The following SP3 variants were observed in gnomAD, a reference collection of about 807,000 sequenced individuals.
SP3 encodes the protein Sp3 transcription factor.
In SP3, 10 loss-of-function variants were observed where a neutral mutation model predicts 70.3. That is an observed-to-expected ratio of 0.14 (90% confidence interval 0.09 to 0.24). SP3 has a LOEUF of 0.24. SP3 is among the 10% of genes least tolerant of loss of function. The pLI is 1.00. For synonymous variants in SP3, 402 were observed against 333.5 expected (o/e 1.21, Z -2.24); for missense variants, 825 against 914.6 (o/e 0.90, Z 1.26).
At position 173,901,775 on chromosome 2, in the gene SP3, C is replaced by T. The variant is rs1229984208; in HGVS notation, c.*8166G>A. Among the ~76,000 whole-genome samples, 3 of 144,864 alleles carry T rather than the reference C, an allele frequency of 2.1e-5. No individual in the cohort carries two copies. The highest frequency in any genetic ancestry group is 4.5e-5 in the Non-Finnish European group (3 of 66,944). On this transcript the variant is annotated 3_prime_UTR_variant, in exon 7 of 7. Transcript: ENST00000310015. ...GGAGTGCAGTGGTGCAATCTCGGCT[C>T]ACTGCAACCTATGCCTCCTGCGTTC...
chr2:173,965,146 C>G lies in SP3; in HGVS notation c.7+19G>C, dbSNP rs1424016865. Reference sequence around the variant, plus strand: ...GCGGCGGCGGCAGCAGCAAGGGTTGCTCTCTCGGCTTTACGTACCGGTCAT... The same window carrying G: ...GCGGCGGCGGCAGCAGCAAGGGTTGGTCTCTCGGCTTTACGTACCGGTCAT... On this transcript the variant is annotated intron_variant, in intron 1 of 6. Transcript: ENST00000310015. The G allele has an allele frequency of 3.9e-6, 6 of 1,546,878 alleles. No homozygotes were observed. The highest frequency in any genetic ancestry group is 2.2e-4 in the Middle Eastern group (1 of 4,620).
intron 4 of SP3, among the ~76,000 whole-genome samples, chr2:173,941,231 C>T (rs548651411): frequency 1.3e-5 from 2 of 151,964 alleles, no homozygotes; most frequent in East Asian, 3.9e-4. Flanking sequence ...TTAATGAAAC[C>T]ACTTGTTAAA....
chr2:173,901,850 C>T lies in SP3; in HGVS notation c.*8091G>A, dbSNP rs1273007391. Among the ~76,000 whole-genome samples, 2 of 151,976 alleles carry T rather than the reference C, an allele frequency of 1.3e-5. No individual in the cohort carries two copies. Among genetic ancestry groups the T allele is most frequent in the African/African-American group, 2.4e-5 (1 of 41,360 alleles). ...CCGAGTAGCTGGGATTGCAGGCATG[C>T]GCCACCACCCCCAGCTAATTTTGTA... On this transcript the variant is annotated 3_prime_UTR_variant, in exon 7 of 7. Transcript: ENST00000310015.
rs1384125420 is a variant in SP3 at position 173,903,811 on chromosome 2, A to G, written c.*6130T>C. Among the ~76,000 whole-genome samples, 1 of 152,204 alleles carries G rather than the reference A, an allele frequency of 6.6e-6. No homozygotes were observed. Among genetic ancestry groups the G allele is most frequent in the Non-Finnish European group, 1.5e-5 (1 of 68,028 alleles). The stretch of plus-strand genomic sequence containing the variant: ...TCAGTTTTCTTGGACACATTCTACC[A>G]GTCTTTCAAGGCCCACCCTTTCTGA... On this transcript the variant is annotated 3_prime_UTR_variant, in exon 7 of 7. Coordinates refer to ENST00000310015, the MANE Select transcript of SP3 (RefSeq NM_003111.5).
At chr2:173,952,691 T>C (rs1363370754) in intron 4 of SP3, among the ~76,000 whole-genome samples, 1 of 152,140 alleles carries the variant, frequency 6.6e-6, no homozygotes, top group Non-Finnish European at 1.5e-5. Context: ...ATGTGGTATA[T>C]CCATACAGTG....
chr2:173,940,465 G>A (rs1050640103), intron 4 of SP3, among the ~76,000 whole-genome samples: 2 of 152,186 alleles, frequency 1.3e-5, no homozygotes, highest in African/African-American at 4.8e-5. Context: ...CTTACTTTTT[G>A]CACTGTGGCC....
At chr2:173,926,778 T>C (rs970640402) in intron 4 of SP3, among the ~76,000 whole-genome samples, 7 of 152,162 alleles carry the variant, frequency 4.6e-5, no homozygotes, top group Non-Finnish European at 8.8e-5. Context: ...AAAACTTAAA[T>C]TGAATGGCTT....
At chr2:173,949,289 A>T (rs974593195) in intron 4 of SP3, among the ~76,000 whole-genome samples, 1 of 152,166 alleles carries the variant, frequency 6.6e-6, no homozygotes, top group Non-Finnish European at 1.5e-5. Flanking sequence ...CACAAATAAA[A>T]ATGTTTCAGA....
chr2:173,915,280 C>A (rs531006605), intron 5 of SP3: 2 of 152,108 alleles, frequency 1.3e-5, no homozygotes, highest in East Asian at 3.9e-4. Context: ...GGAAAAAGCT[C>A]AACATCCAGG....
At chr2:173,942,652 T>C (rs1690406994) in intron 4 of SP3, among the ~76,000 whole-genome samples, 1 of 152,190 alleles carries the variant, frequency 6.6e-6, no homozygotes, top group South Asian at 2.1e-4. Flanking sequence ...GATTCTGATA[T>C]TCCACTGTTT....
intron 5 of SP3, chr2:173,914,441 T>C (rs1341884996): frequency 6.6e-6 from 1 of 152,192 alleles, no homozygotes; most frequent in Non-Finnish European, 1.5e-5. Context: ...CCCACATTTA[T>C]ATTTTAATGT....
chr2:173,936,721 T>G (rs1296301905), intron 4 of SP3, among the ~76,000 whole-genome samples: 1 of 152,236 alleles, frequency 6.6e-6, no homozygotes, highest in African/African-American at 2.4e-5. Flanking sequence ...CTAATAAGCA[T>G]TTTTATAACA....
chr2:173,907,985 C>T lies in SP3; in HGVS notation c.*1956G>A, dbSNP rs922357105. 2.0e-5 allele frequency: 3 copies of T among 152,064 alleles called. No homozygotes were observed. The highest frequency in any genetic ancestry group is 2.9e-5 in the Non-Finnish European group (2 of 67,950). 9.4% of individuals were successfully genotyped at this position (152,064 alleles called of 1,614,324 possible). A position where few individuals can be genotyped will look rare whatever the true frequency, so the allele number is the denominator to read the frequency against. ...CTGGGCCTGGAAAACAGAAAATGGA[C>T]ATCTTTACCCCCACTGTATACATGT... On this transcript the variant is annotated 3_prime_UTR_variant, in exon 7 of 7. Coordinates refer to ENST00000310015, the MANE Select transcript of SP3 (RefSeq NM_003111.5).
intron 4 of SP3, among the ~76,000 whole-genome samples, chr2:173,943,441 T>A (rs1038973529): frequency 4.6e-5 from 7 of 152,206 alleles, no homozygotes; most frequent in Non-Finnish European, 1.0e-4. Flanking sequence ...AACCATCATA[T>A]TTAAAATAAC....
chr2:173,959,856 C>T (rs951740172), intron 3 of SP3, among the ~76,000 whole-genome samples: 7 of 152,354 alleles, frequency 4.6e-5, no homozygotes, highest in East Asian at 3.9e-4. Context: ...CCTATGTCTA[C>T]GTAAGTTTAC....
In SP3 at chr2:173,955,673, G is replaced by A. The variant is rs1690859410; in HGVS notation, c.839C>T (p.Ser280Leu). 19 of 1,614,182 alleles carry A rather than the reference G, an allele frequency of 1.2e-5. No individual in the cohort carries two copies. Among genetic ancestry groups the A allele is most frequent in the East Asian group, 2.2e-5 (1 of 44,884 alleles). The change falls in exon 4 of 7, where the codon TCG becomes TTG. Residue 280 changes from serine to leucine, a missense_variant. This residue lies in a region of SP3 where 678 missense variants were observed against 651.6 expected (regional missense o/e 1.04). Coordinates refer to ENST00000310015, the MANE Select transcript of SP3 (RefSeq NM_003111.5). ...NSVDLDSLGL[S>L]GSSQTMTAGI... ...TGCAGTCATTGTCTGAGAACTGCCC[G>A]AGAGTCCCAAAGAATCTAGATCGAC...
At position 173,900,823 on chromosome 2, in the gene SP3, T is replaced by C. The variant is rs140373775; in HGVS notation, c.*9118A>G. On this transcript the variant is annotated 3_prime_UTR_variant, in exon 7 of 7. Coordinates refer to ENST00000310015, the MANE Select transcript of SP3 (RefSeq NM_003111.5). ...TTTTAAAAACCATTAAAGACTTGAA[T>C]TAATGGAGAGATACAGAATTATCAT... Among the ~76,000 whole-genome samples the C allele has an allele frequency of 1.5e-4, 23 of 152,346 alleles. No individual in the cohort carries two copies. The highest frequency in any genetic ancestry group is 5.5e-4 in the African/African-American group (23 of 41,578).
intron 4 of SP3, among the ~76,000 whole-genome samples, chr2:173,933,667 T>A (rs922085896): frequency 2.8e-5 from 4 of 142,162 alleles, no homozygotes; most frequent in Non-Finnish European, 6.1e-5. Flanking sequence ...TATATATATA[T>A]ATATAAAAGT....
In SP3 at chr2:173,955,583, T is replaced by C; in HGVS notation, c.929A>G (p.Glu310Gly). ...AGGAGAAACCCGCTCACCAGTCCTTTCTGAATTGTCTGAACTATCCATAGC... is the reference window on the plus strand; with the variant it reads ...AGGAGAAACCCGCTCACCAGTCCTTCCTGAATTGTCTGAACTATCCATAGC... ...GQAMDSSDNS[E>G]RTGERVSPDI... is the part of the protein sequence containing the mutation. The change falls in exon 4 of 7, where the codon GAA becomes GGA. Residue 310 changes from glutamate to glycine, a missense_variant. Physicochemically the swap from Glu to Gly is moderately conservative, Grantham distance 98. Coordinates refer to ENST00000310015, the MANE Select transcript of SP3 (RefSeq NM_003111.5). 1 of 1,614,088 alleles carries C rather than the reference T, an allele frequency of 6.2e-7. No individual in the cohort carries two copies.
Sources: allele counts gnomAD v4.1 joint callset (sites outside exome capture counted in the v4.1 genomes callset), GRCh38; gene constraint gnomAD v4.1.1; regional missense constraint gnomAD v4.1.1; transcripts MANE v1.5; gene names NCBI Gene and HGNC (gene_info 2026-07-23, HGNC 2026-07-21).